Variants in AGMO observed in about 807,000 individuals in gnomAD.
AGMO encodes the protein glyceryl-ether monooxygenase.
In AGMO, 75 loss-of-function variants were observed where a neutral mutation model predicts 60.2. The ratio of observed to expected loss-of-function variants is 1.25; its 90% CI spans 1.03 to 1.51. The LOEUF is 1.51. Among genes scored for constraint, AGMO ranks in the 40% most tolerant of loss-of-function variants. The probability of loss-of-function intolerance (pLI) is 0.00; values close to 1 mark genes in which losing one functional copy is unlikely to be tolerated. For synonymous variants in AGMO, 261 were observed against 177.1 expected, an observed-to-expected ratio of 1.47 and a Z score of -3.76; for missense variants, 763 against 525.5, an observed-to-expected ratio of 1.45 and a Z score of -4.42.
chr7:15,293,074 T>G (rs1430175595), intron 12 of AGMO, among the ~76,000 whole-genome samples: 2 of 152,102 alleles, frequency 1.3e-5, no homozygotes, highest in Admixed American at 6.5e-5. Flanking sequence ...TTCCTCCAGT[T>G]TAGCCTGAGT....
chr7:15,386,369 A>C (rs553675069), intron 9 of AGMO, among the ~76,000 whole-genome samples: 1 of 152,292 alleles, frequency 6.6e-6, no homozygotes, highest in East Asian at 1.9e-4. Context: ...TATATTTTTT[A>C]ATGCAGACTC....
chr7:15,252,670 G>A (rs1377354101), intron 12 of AGMO, among the ~76,000 whole-genome samples: 1 of 151,758 alleles, frequency 6.6e-6, no homozygotes, highest in African/African-American at 2.4e-5. Context: ...GGCTTACAGA[G>A]GACAAGGCAA....
At position 15,204,998 on chromosome 7, in the gene AGMO, G is replaced by A. The variant is rs115674967; in HGVS notation, c.1264-3639C>T. On this transcript the variant is annotated intron_variant, in intron 12 of 12. Coordinates refer to ENST00000342526, the MANE Select transcript of AGMO (RefSeq NM_001004320.2). ...TATCATCTCACCCAGGTTTATGTCT[G>A]TGTTTTGAGAGGCCTTATTCAAAAT... Among the ~76,000 whole-genome samples, 582 of 152,190 alleles carry A rather than the reference G, an allele frequency of 3.8e-3. 1 individual carries two copies. Among genetic ancestry groups the A allele is most frequent in the African/African-American group, 0.013 (545 of 41,526 alleles).
chr7:15,256,284 T>A (rs1583334005), intron 12 of AGMO, among the ~76,000 whole-genome samples: 1 of 152,326 alleles, frequency 6.6e-6, no homozygotes, highest in South Asian at 2.1e-4. Context: ...TTTCAGTCAA[T>A]AACAAACCAC....
chr7:15,296,473 C>T (rs960411569), intron 12 of AGMO, among the ~76,000 whole-genome samples: 2 of 152,090 alleles, frequency 1.3e-5, no homozygotes, highest in African/African-American at 2.4e-5. Context: ...TGGACTGTAC[C>T]GTCACAGCTA....
chr7:15,398,768 A>AG (rs1321687533), intron 5 of AGMO, among the ~76,000 whole-genome samples: 1 of 152,146 alleles, frequency 6.6e-6, no homozygotes, highest in African/African-American at 2.4e-5. Context: ...GGACATACAG[A>AG]GGGCTTCAAT....
At chr7:15,323,829 A>G (rs1342136060) in intron 12 of AGMO, among the ~76,000 whole-genome samples, 1 of 152,176 alleles carries the variant, frequency 6.6e-6, no homozygotes, top group Non-Finnish European at 1.5e-5. Context: ...GAAATTATCA[A>G]AACAGACACG....
At chr7:15,419,435 G>A (rs1349865971) in intron 4 of AGMO, among the ~76,000 whole-genome samples, 1 of 151,918 alleles carries the variant, frequency 6.6e-6, no homozygotes, top group Admixed American at 6.6e-5. Context: ...AGAATAAAAT[G>A]AATCTGACTT....
At chr7:15,148,000 G>T in the AGMO span, among the ~76,000 whole-genome samples, 1 of 152,130 alleles carries the variant, frequency 6.6e-6, no homozygotes, top group Non-Finnish European at 1.5e-5. Flanking sequence ...AAGAGGAGCG[G>T]CTCAAACTAA....
intron 12 of AGMO, among the ~76,000 whole-genome samples, chr7:15,352,134 T>C (rs1782264008): frequency 6.6e-6 from 1 of 152,214 alleles, no homozygotes; most frequent in Non-Finnish European, 1.5e-5. Flanking sequence ...ATTTCCAGTA[T>C]TTAGAACCAT....
At position 15,344,774 on chromosome 7, in the gene AGMO, A is replaced by C. The variant is rs183587729; in HGVS notation, c.1263+20740T>G. Among the ~76,000 whole-genome samples, 17 of 152,328 alleles carry C rather than the reference A, an allele frequency of 1.1e-4. No individual in the cohort carries two copies. In the East Asian group the frequency reaches 3.3e-3, roughly 29 times the overall value. On this transcript the variant is annotated intron_variant, in intron 12 of 12. Transcript: ENST00000342526. ...AAGAGAAGACTTTTCCATTAGAAAT[A>C]TGGTAGATGCACTTGAGTAGTGTGA...
intron 12 of AGMO, among the ~76,000 whole-genome samples, chr7:15,266,929 C>A (rs887096276): frequency 2.0e-5 from 3 of 151,948 alleles, no homozygotes; most frequent in African/African-American, 7.2e-5. Context: ...CGAAATTCCA[C>A]AGAAGAGGCA....
At chr7:15,417,908 T>C (rs1325832623) in intron 5 of AGMO, among the ~76,000 whole-genome samples, 1 of 152,170 alleles carries the variant, frequency 6.6e-6, no homozygotes, top group African/African-American at 2.4e-5. Context: ...TTTTTCTAGG[T>C]CTGTGATTTT....
Position 15,201,027 on chromosome 7 carries a change from G to A in AGMO, c.*258C>T. ...CCTTCTTTTTATACTTGTCATATAA[G>A]GCTATCAGTTAATATAACATCATTA... On this transcript the variant is annotated 3_prime_UTR_variant, in exon 13 of 13. Coordinates refer to ENST00000342526, the MANE Select transcript of AGMO (RefSeq NM_001004320.2). 3.4e-6 allele frequency: 1 copy of A among 295,290 alleles called. No individual in the cohort carries two copies. The highest frequency in any genetic ancestry group is 6.2e-6 in the Non-Finnish European group (1 of 162,162). The allele number at this position is 295,290 out of a possible 1,614,324, so 18.3% of individuals were successfully genotyped here. A position where few individuals can be genotyped will look rare whatever the true frequency, so the allele number is the denominator to read the frequency against.
At chr7:15,289,648 A>C (rs1473628191) in intron 12 of AGMO, among the ~76,000 whole-genome samples, 1 of 152,092 alleles carries the variant, frequency 6.6e-6, no homozygotes, top group Non-Finnish European at 1.5e-5. Flanking sequence ...TGGAATATTC[A>C]GTACTAGCTT....
At chr7:15,257,277 G>A (rs1239156106) in intron 12 of AGMO, among the ~76,000 whole-genome samples, 1 of 151,872 alleles carries the variant, frequency 6.6e-6, no homozygotes, top group East Asian at 1.9e-4. Flanking sequence ...GACTATCTCA[G>A]GTATATTTTT....
At chr7:15,226,592 T>C (rs750458861) in intron 12 of AGMO, among the ~76,000 whole-genome samples, 2 of 152,068 alleles carry the variant, frequency 1.3e-5, no homozygotes, top group Non-Finnish European at 2.9e-5. Context: ...AGAAGTACTG[T>C]TTAGGCAGAT....
chr7:15,194,222 T>C, the AGMO span, among the ~76,000 whole-genome samples: 1 of 152,202 alleles, frequency 6.6e-6, no homozygotes, highest in Non-Finnish European at 1.5e-5. Flanking sequence ...AATGAAAATA[T>C]TGATCCGTTT....
chr7:15,238,579 A>T (rs1231102942), intron 12 of AGMO, among the ~76,000 whole-genome samples: 1 of 151,568 alleles, frequency 6.6e-6, no homozygotes, highest in African/African-American at 2.4e-5. Flanking sequence ...AATTTTAAAA[A>T]TTTTAATTTT....
Sources: gnomAD v4.1 joint callset for allele counts (sites outside exome capture counted in the v4.1 genomes callset) on GRCh38, gnomAD v4.1.1 for gene constraint, MANE v1.5 for transcripts, NCBI Gene and HGNC (gene_info 2026-07-23, HGNC 2026-07-21) for gene names.